The following C10orf143 variants were observed in gnomAD, a reference collection of about 807,000 sequenced individuals.
C10orf143 encodes uncharacterized protein C10orf143.
intron 1 of C10orf143, chr10:130,106,401 A>AG (rs765897080): frequency 1.9e-6 from 3 of 1,602,800 alleles, no homozygotes; most frequent in Admixed American, 1.7e-5. Flanking sequence ...AGCTTTGAGA[A>AG]GGCGGCAGCA....
In C10orf143 at chr10:130,036,840, C is replaced by G. The variant is rs141825559; in HGVS notation, c.298-870G>C. ...AGAACAATGGTGCCCAGCAGGTGGGCAGGGTATGGGCCTGTCCTGGAGCGC... is the reference window on the plus strand; with the variant it reads ...AGAACAATGGTGCCCAGCAGGTGGGGAGGGTATGGGCCTGTCCTGGAGCGC... On this transcript the variant is annotated intron_variant and NMD_transcript_variant, in intron 3 of 5. Transcript: ENST00000643056. 2.5e-3 allele frequency among the ~76,000 whole-genome samples: 374 copies of G among 152,042 alleles called. 2 individuals carry two copies. Among genetic ancestry groups the G allele is most frequent in the African/African-American group, 8.0e-3 (333 of 41,470 alleles).
intron 1 of C10orf143, among the ~76,000 whole-genome samples, chr10:130,089,526 T>G (rs1861347511): frequency 6.6e-6 from 1 of 152,178 alleles, no homozygotes; most frequent in Non-Finnish European, 1.5e-5. Flanking sequence ...ATGAAATGAC[T>G]GAGCTGGGTC....
At chr10:130,081,975 A>G (rs116502733) in intron 1 of C10orf143, among the ~76,000 whole-genome samples, 1,998 of 151,450 alleles carry the variant, frequency 0.013, 37 homozygotes, top group African/African-American at 0.047. Context: ...AAGAAGAGCC[A>G]GGAAAACCCT....
chr10:130,049,345 C>G (rs534539479), intron 3 of C10orf143, among the ~76,000 whole-genome samples: 1 of 152,330 alleles, frequency 6.6e-6, no homozygotes, highest in South Asian at 2.1e-4. Context: ...CCTCGCCACC[C>G]TGTTGTGTTG....
At chr10:130,103,475 C>A (rs1337381764) in intron 1 of C10orf143, among the ~76,000 whole-genome samples, 1 of 151,610 alleles carries the variant, frequency 6.6e-6, no homozygotes, top group Non-Finnish European at 1.5e-5. Flanking sequence ...GGGTGACAGA[C>A]CGAAACTCTG....
intron 3 of C10orf143, among the ~76,000 whole-genome samples, chr10:130,076,264 C>T (rs1861116161): frequency 6.6e-6 from 1 of 152,162 alleles, no homozygotes; most frequent in Admixed American, 6.5e-5. Context: ...GAGCTATGTA[C>T]TGCGGGAGGG....
At chr10:130,081,232 CT>C (rs1262579546) in intron 1 of C10orf143, among the ~76,000 whole-genome samples, 2 of 150,576 alleles carry the variant, frequency 1.3e-5, no homozygotes, top group Non-Finnish European at 3.0e-5. Flanking sequence ...CAACCAAGGA[CT>C]TTTTTTTTAA....
chr10:130,096,572 T>A (rs1590031836), intron 1 of C10orf143, among the ~76,000 whole-genome samples: 28 of 36,468 alleles, frequency 7.7e-4, no homozygotes, highest in Admixed American at 2.0e-3. Flanking sequence ...CTGGATAAAT[T>A]CTTGGCAAAC....
chr10:130,044,929 T>C (rs1245954553), intron 3 of C10orf143, among the ~76,000 whole-genome samples: 1 of 152,154 alleles, frequency 6.6e-6, no homozygotes, highest in Non-Finnish European at 1.5e-5. Context: ...GGGTCCTTAC[T>C]CAGTGAGGTG....
downstream of C10orf143, among the ~76,000 whole-genome samples, chr10:130,059,134 CTAGAG>C (rs1238422830): frequency 1.3e-5 from 2 of 152,114 alleles, no homozygotes; most frequent in Non-Finnish European, 2.9e-5. Context: ...AAAGTTGTAG[CTAGAG>C]TAAAGTTTTA....
At chr10:130,066,480 C>G (rs779449913) in intron 3 of C10orf143, 1 of 151,990 alleles carries the variant, frequency 6.6e-6, no homozygotes, top group Non-Finnish European at 1.5e-5. Context: ...AGGTGTGAAC[C>G]AACGCAGCTG....
chr10:130,082,262 T>C (rs1861222001), intron 1 of C10orf143, among the ~76,000 whole-genome samples: 1 of 152,122 alleles, frequency 6.6e-6, no homozygotes, highest in Non-Finnish European at 1.5e-5. Flanking sequence ...TCCTCCCTTC[T>C]TGGCTTCCCA....
At chr10:130,090,814 G>A (rs937235591) in intron 1 of C10orf143, among the ~76,000 whole-genome samples, 8 of 152,172 alleles carry the variant, frequency 5.3e-5, no homozygotes, top group African/African-American at 1.9e-4. Context: ...AGTTCGAACT[G>A]GGTGGAGCCC....
intron 3 of C10orf143, among the ~76,000 whole-genome samples, chr10:130,048,044 T>C (rs1202710142): frequency 6.6e-6 from 1 of 152,226 alleles, no homozygotes; most frequent in African/African-American, 2.4e-5. Flanking sequence ...TCTGCCTCTG[T>C]GGCTCATCAC....
chr10:130,088,050 C>T (rs565311148), intron 1 of C10orf143, among the ~76,000 whole-genome samples: 2 of 152,270 alleles, frequency 1.3e-5, no homozygotes, highest in African/African-American at 2.4e-5. Context: ...AACACGTGAG[C>T]GAGCATATGA....
At chr10:130,046,192 C>T (rs1860669843) in intron 3 of C10orf143, among the ~76,000 whole-genome samples, 1 of 122,080 alleles carries the variant, frequency 8.2e-6, no homozygotes, top group African/African-American at 3.1e-5. Context: ...CTGAGTGGGG[C>T]GCGGGGCGTG....
downstream of C10orf143, among the ~76,000 whole-genome samples, chr10:130,059,199 T>G (rs1435629845): frequency 6.6e-6 from 1 of 152,194 alleles, no homozygotes; most frequent in Non-Finnish European, 1.5e-5. Flanking sequence ...AATCAACTCA[T>G]GTAATGTAGA....
At chr10:130,073,556 T>C (rs1200273460) in intron 3 of C10orf143, among the ~76,000 whole-genome samples, 1 of 151,394 alleles carries the variant, frequency 6.6e-6, no homozygotes, top group Non-Finnish European at 1.5e-5. Context: ...CACTAAAGAG[T>C]GTGTTGGTCC....
intron 3 of C10orf143, chr10:130,064,889 C>A (rs1310798466): frequency 6.6e-6 from 1 of 152,296 alleles, no homozygotes; most frequent in Admixed American, 6.5e-5. Context: ...ACTGGGAGAA[C>A]CAGATGGCTG....
Sources: gnomAD v4.1 joint callset for allele counts (sites outside exome capture counted in the v4.1 genomes callset) on GRCh38, gnomAD v4.1.1 for gene constraint, MANE v1.5 for transcripts, NCBI Gene and HGNC (gene_info 2026-07-23, HGNC 2026-07-21) for gene names.